TMEFF2: variants seen among roughly 807,000 people sequenced by gnomAD.
The protein encoded by TMEFF2 is tomoregulin-2.
In TMEFF2, 28 loss-of-function variants were observed where a neutral mutation model predicts 53.8. The observed-to-expected ratio is 0.52, with a 90% CI of 0.39 to 0.71. The LOEUF (loss-of-function observed/expected upper bound fraction) is 0.71. TMEFF2 is among the 30% of genes least tolerant of loss of function. The pLI, the probability that TMEFF2 is intolerant of heterozygous loss-of-function variation, is 0.00. For synonymous variants in TMEFF2, 162 were observed against 166.3 expected (o/e 0.97, Z 0.20); for missense variants, 353 against 455.2 (o/e 0.78, Z 2.04).
At chr2:191,998,421 G>A in intron 6 of TMEFF2, 100 bp from the exon 7 acceptor site, 1 of 854,172 alleles carries the variant, frequency 1.2e-6, no homozygotes, top group Non-Finnish European at 1.8e-6. Context: ...TTGCAATTAA[G>A]GAATTTTTAC....
At chr2:192,044,687 G>T (rs1397255419) in intron 5 of TMEFF2, among the ~76,000 whole-genome samples, 1 of 152,158 alleles carries the variant, frequency 6.6e-6, no homozygotes, top group Non-Finnish European at 1.5e-5. Context: ...GCTGTCTGGA[G>T]CCTTTGATGG....
At chr2:192,114,996 T>G (rs1178871955) in intron 4 of TMEFF2, among the ~76,000 whole-genome samples, 1 of 151,960 alleles carries the variant, frequency 6.6e-6, no homozygotes, top group African/African-American at 2.4e-5. Flanking sequence ...AAATATTTTT[T>G]TAAAGTCCAT....
In TMEFF2 at chr2:192,049,153, A is replaced by ATG. The variant is rs56231804; in HGVS notation, c.536+8524_536+8525dup. Among the ~76,000 whole-genome samples the ATG allele has an allele frequency of 1.4e-3, 208 of 151,466 alleles. 1 individual carries two copies. Among genetic ancestry groups the ATG allele is most frequent in the African/African-American group, 4.5e-3 (187 of 41,174 alleles). The stretch of plus-strand genomic sequence containing the variant: ...TATATAAGATAGATACATTTGGTCT[A>ATG]TGTGTGTGTGTGTGTGTGTGCATAC... On this transcript the variant is annotated intron_variant, in intron 5 of 9. Transcript: ENST00000272771.
chr2:192,040,762 T>C (rs1296428229), intron 5 of TMEFF2, among the ~76,000 whole-genome samples: 3 of 152,134 alleles, frequency 2.0e-5, no homozygotes, highest in Admixed American at 1.3e-4. Flanking sequence ...AGTCCAGTTG[T>C]AGCATAAGAA....
At chr2:192,134,338 T>C (rs1281418426) in intron 4 of TMEFF2, among the ~76,000 whole-genome samples, 3 of 152,068 alleles carry the variant, frequency 2.0e-5, no homozygotes, top group Non-Finnish European at 4.4e-5. Flanking sequence ...CTGATGTTCA[T>C]CCCATTTCCC....
chr2:191,949,183 TTG>T lies in TMEFF2; in HGVS notation c.*1126_*1127del, dbSNP rs1379972137. Reference sequence around the variant, plus strand: ...CACAGCTTATTTTTTCCAGATCAAGTTGTGATACCTATTTGTATGCACAAATC... The same window carrying T: ...CACAGCTTATTTTTTCCAGATCAAGTTGATACCTATTTGTATGCACAAATC... On this transcript the variant is annotated 3_prime_UTR_variant, in exon 10 of 10. Transcript: ENST00000272771. The T allele has an allele frequency of 2.0e-6, 2 of 985,286 alleles. No homozygotes were observed. The highest frequency in any genetic ancestry group is 1.7e-5 in the African/African-American group (1 of 57,234). 61.0% of individuals were successfully genotyped at this position (985,286 alleles called of 1,614,324 possible). A position where few individuals can be genotyped will look rare whatever the true frequency, so the allele number is the denominator to read the frequency against.
intron 5 of TMEFF2, among the ~76,000 whole-genome samples, chr2:192,018,592 G>C (rs1006681435): frequency 6.6e-6 from 1 of 151,926 alleles, no homozygotes; most frequent in Non-Finnish European, 1.5e-5. Context: ...TGCTGGGTGG[G>C]GATCAGCTGG....
intron 3 of TMEFF2, among the ~76,000 whole-genome samples, chr2:192,183,122 A>T (rs146787479): frequency 2.2e-3 from 337 of 152,152 alleles, no homozygotes; most frequent in African/African-American, 7.7e-3. Context: ...GAACATTCAC[A>T]TCTGAGCAAA....
intron 4 of TMEFF2, among the ~76,000 whole-genome samples, chr2:192,126,963 TTTG>T (rs1188755575): frequency 1.3e-5 from 2 of 152,206 alleles, no homozygotes; most frequent in Non-Finnish European, 2.9e-5. Flanking sequence ...GTTTTAGAAT[TTTG>T]TTGTTTTGCT....
chr2:191,993,844 G>A (rs12466301), intron 7 of TMEFF2, among the ~76,000 whole-genome samples: 115,504 of 152,006 alleles, frequency 0.76, 44,168 homozygotes, highest in East Asian at 0.91. Flanking sequence ...AAAAATCATT[G>A]TTGAAGATTT....
At chr2:192,183,805 A>G (rs1251550559) in intron 3 of TMEFF2, among the ~76,000 whole-genome samples, 1 of 152,104 alleles carries the variant, frequency 6.6e-6, no homozygotes, top group Non-Finnish European at 1.5e-5. Context: ...GTAGAATCCC[A>G]GGTTAATTGA....
At chr2:192,137,377 T>C (rs1036224971) in intron 4 of TMEFF2, among the ~76,000 whole-genome samples, 7 of 152,262 alleles carry the variant, frequency 4.6e-5, no homozygotes, top group East Asian at 1.9e-4. Flanking sequence ...TCCCATCCCA[T>C]TGAATTGGAG....
intron 7 of TMEFF2, among the ~76,000 whole-genome samples, chr2:191,980,311 G>A (rs1284749763): frequency 6.6e-6 from 1 of 152,206 alleles, no homozygotes; most frequent in African/African-American, 2.4e-5. Flanking sequence ...ACCCTGGAAG[G>A]TGTGAAGGGC....
chr2:192,027,498 C>G (rs1687000809), intron 5 of TMEFF2, among the ~76,000 whole-genome samples: 1 of 152,084 alleles, frequency 6.6e-6, no homozygotes, highest in Non-Finnish European at 1.5e-5. Context: ...AAGAAAAGAA[C>G]AAGTCAAAAC....
intron 4 of TMEFF2, among the ~76,000 whole-genome samples, chr2:192,075,215 A>G (rs543410544): frequency 1.2e-4 from 18 of 146,916 alleles, no homozygotes; most frequent in Non-Finnish European, 1.8e-4. Flanking sequence ...TTGCAATTAT[A>G]TTTATAGTTT....
At chr2:192,007,938 C>G (rs1447225863) in intron 5 of TMEFF2, among the ~76,000 whole-genome samples, 3 of 152,176 alleles carry the variant, frequency 2.0e-5, no homozygotes, top group Non-Finnish European at 2.9e-5. Context: ...CCTTCCTGCT[C>G]TACTCTTTCC....
intron 5 of TMEFF2, among the ~76,000 whole-genome samples, chr2:192,020,216 C>G (rs1686831157): frequency 6.6e-6 from 1 of 151,912 alleles, no homozygotes; most frequent in African/African-American, 2.4e-5. Flanking sequence ...ATGAATGAAC[C>G]AAGAATATGT....
chr2:192,182,676 A>G (rs1691215087), intron 3 of TMEFF2, among the ~76,000 whole-genome samples: 2 of 151,954 alleles, frequency 1.3e-5, no homozygotes, highest in East Asian at 1.9e-4. Context: ...TATTATAACA[A>G]TTGCCTGGCA....
intron 4 of TMEFF2, among the ~76,000 whole-genome samples, chr2:192,137,847 T>C (rs2105986304): frequency 6.6e-6 from 1 of 151,064 alleles, no homozygotes; most frequent in Non-Finnish European, 1.5e-5. Context: ...CTGTGACCCA[T>C]GCTGGAGTGC....
Sources: allele counts gnomAD v4.1 joint callset (sites outside exome capture counted in the v4.1 genomes callset), GRCh38; gene constraint gnomAD v4.1.1; transcripts MANE v1.5; gene names NCBI Gene and HGNC (gene_info 2026-07-23, HGNC 2026-07-21).